Variants in CORO2B observed in about 807,000 individuals in gnomAD.
The protein encoded by CORO2B is coronin 2B.
CORO2B carries 26 observed loss-of-function variants against 58.8 expected under a neutral mutation model. The ratio of observed to expected loss-of-function variants is 0.44; its 90% CI spans 0.32 to 0.61. CORO2B has a LOEUF of 0.61. CORO2B is among the 20% of genes least tolerant of loss of function. The pLI, the probability that CORO2B is intolerant of heterozygous loss-of-function variation, is 0.04. For missense variants in CORO2B, 460 were observed against 645.1 expected (o/e 0.71, Z 3.11); for synonymous variants, 242 against 253.8 (o/e 0.95, Z 0.44).
At chr15:68,639,586 G>A (rs1326044167) in intron 1 of CORO2B, among the ~76,000 whole-genome samples, 1 of 152,166 alleles carries the variant, frequency 6.6e-6, no homozygotes, top group Non-Finnish European at 1.5e-5. Context: ...CTTTAATAAA[G>A]TAGAGGAACT....
At position 68,719,522 on chromosome 15, in the gene CORO2B, A is replaced by G; in HGVS notation, c.1281A>G (p.Leu427=). Residue 427 remains leucine (L), a synonymous_variant, in exon 11 of 12, where the codon TTA becomes TTG. Coordinates refer to ENST00000261861, the MANE Select transcript of CORO2B (RefSeq NM_006091.5). ...TTGTGGTCAACGGAATAGATTTATTAGAAAATGTCCCACCCAGGACAGAGA... is the reference window on the plus strand; with the variant it reads ...TTGTGGTCAACGGAATAGATTTATTGGAAAATGTCCCACCCAGGACAGAGA... ...KSVVVNGIDL[L]ENVPPRTENE... The G allele has an allele frequency of 3.7e-6, 6 of 1,614,202 alleles. No homozygotes were observed. Among genetic ancestry groups the G allele is most frequent in the Non-Finnish European group, 5.1e-6 (6 of 1,180,020 alleles).
intron 1 of CORO2B, among the ~76,000 whole-genome samples, chr15:68,604,631 C>A (rs988373173): frequency 6.7e-5 from 10 of 149,386 alleles, no homozygotes; most frequent in African/African-American, 2.0e-4. Flanking sequence ...AAAAAAAAAA[C>A]CTCCCTTCTG....
At chr15:68,658,705 C>G (rs995073691) in intron 2 of CORO2B, among the ~76,000 whole-genome samples, 3 of 152,230 alleles carry the variant, frequency 2.0e-5, no homozygotes, top group Non-Finnish European at 4.4e-5. Context: ...CTAAGACCTA[C>G]TCTTTGGGAT....
intron 2 of CORO2B, among the ~76,000 whole-genome samples, chr15:68,655,415 C>G (rs1176786338): frequency 6.6e-6 from 1 of 152,140 alleles, no homozygotes; most frequent in East Asian, 1.9e-4. Flanking sequence ...TGCCCCAATC[C>G]CAGTCTTACA....
intron 2 of CORO2B, among the ~76,000 whole-genome samples, chr15:68,672,159 G>GGTGTGTGTGTGTGTGT (rs60989044): frequency 0.23 from 33,945 of 146,062 alleles, 4,355 homozygotes; most frequent in East Asian, 0.36. Flanking sequence ...GTAATCGGGA[G>GGTGTGTGTGTGTGTGT]GTGTGTGTGT....
At chr15:68,527,377 G>A in the CORO2B span, among the ~76,000 whole-genome samples, 5 of 151,754 alleles carry the variant, frequency 3.3e-5, no homozygotes, top group African/African-American at 1.2e-4. Context: ...ATTTTTATGT[G>A]AGGTTTATTT....
At chr15:68,668,086 A>G (rs1902255420) in intron 2 of CORO2B, among the ~76,000 whole-genome samples, 1 of 152,218 alleles carries the variant, frequency 6.6e-6, no homozygotes, top group Admixed American at 6.5e-5. Flanking sequence ...AACCTTGCAG[A>G]TGAGGAAACA....
At chr15:68,598,150 A>G (rs925245680) in intron 1 of CORO2B, among the ~76,000 whole-genome samples, 1 of 152,310 alleles carries the variant, frequency 6.6e-6, no homozygotes, top group African/African-American at 2.4e-5. Flanking sequence ...GTTTCAGAGA[A>G]TCGGATCCCA....
At chr15:68,555,848 G>A in the CORO2B span, among the ~76,000 whole-genome samples, 1 of 152,034 alleles carries the variant, frequency 6.6e-6, no homozygotes, top group Non-Finnish European at 1.5e-5. Context: ...CCCACAGGAG[G>A]GTCCGTGCTG....
intron 1 of CORO2B, among the ~76,000 whole-genome samples, chr15:68,593,318 T>A (rs1178075234): frequency 6.6e-6 from 1 of 152,208 alleles, no homozygotes; most frequent in Non-Finnish European, 1.5e-5. Flanking sequence ...GTCTTGAAAT[T>A]CTTAAAAACT....
chr15:68,624,276 G>C (rs1008284332), intron 1 of CORO2B, among the ~76,000 whole-genome samples: 1 of 152,208 alleles, frequency 6.6e-6, no homozygotes, highest in African/African-American at 2.4e-5. Flanking sequence ...CTGCTCGGGA[G>C]GCTGAGGCAG....
At chr15:68,650,076 T>C (rs2140276957) in intron 2 of CORO2B, among the ~76,000 whole-genome samples, 1 of 152,260 alleles carries the variant, frequency 6.6e-6, no homozygotes, top group South Asian at 2.1e-4. Context: ...AGAAATGCAA[T>C]ATGCGATTAA....
intron 2 of CORO2B, among the ~76,000 whole-genome samples, chr15:68,672,491 C>T (rs780517935): frequency 6.6e-6 from 1 of 152,122 alleles, no homozygotes; most frequent in Non-Finnish European, 1.5e-5. Flanking sequence ...GTTGCCCAGG[C>T]TGATCTTGAA....
At chr15:68,605,555 G>A (rs1029364890) in intron 1 of CORO2B, among the ~76,000 whole-genome samples, 9 of 152,228 alleles carry the variant, frequency 5.9e-5, no homozygotes, top group African/African-American at 1.7e-4. Context: ...AAATATTCGT[G>A]CTAAGTGAAA....
chr15:68,523,185 C>CTTTCTTT, the CORO2B span, among the ~76,000 whole-genome samples: 49 of 152,024 alleles, frequency 3.2e-4, no homozygotes, highest in South Asian at 1.0e-2. Context: ...TTTTTCTTTT[C>CTTTCTTT]TTTCTTTTTT....
chr15:68,570,871 G>A, the CORO2B span, among the ~76,000 whole-genome samples: 2 of 135,308 alleles, frequency 1.5e-5, no homozygotes, highest in African/African-American at 5.6e-5. Flanking sequence ...TCCAACTCCT[G>A]GACTCAATCC....
intron 2 of CORO2B, among the ~76,000 whole-genome samples, chr15:68,668,643 G>A (rs1483537524): frequency 2.0e-5 from 3 of 152,184 alleles, no homozygotes; most frequent in Non-Finnish European, 4.4e-5. Flanking sequence ...GTAGTCAGGG[G>A]CTGGGCTACC....
At chr15:68,717,159 C>T (rs907084274) in intron 8 of CORO2B, among the ~76,000 whole-genome samples, 1 of 151,810 alleles carries the variant, frequency 6.6e-6, no homozygotes, top group Admixed American at 6.6e-5. Context: ...ACCAAAAATA[C>T]AAAAAGTACC....
chr15:68,605,765 C>T lies in CORO2B; in HGVS notation c.15+26488C>T, dbSNP rs1172322458. Among the ~76,000 whole-genome samples the T allele has an allele frequency of 4.2e-5, 6 of 144,380 alleles. No homozygotes were observed. In the East Asian group the frequency reaches 1.2e-3, roughly 29 times the overall value. 94.7% of individuals were successfully genotyped at this position (144,380 alleles called of 152,430 possible). On this transcript the variant is annotated intron_variant, in intron 1 of 11. Transcript: ENST00000261861. Reference sequence around the variant, plus strand: ...TGAGATGGAGTCTCGCTGTGTCGCCCAGGCGGGAGTGCAGTGGCGCAATAT... The same window carrying T: ...TGAGATGGAGTCTCGCTGTGTCGCCTAGGCGGGAGTGCAGTGGCGCAATAT...
Sources: gnomAD v4.1 joint callset for allele counts (sites outside exome capture counted in the v4.1 genomes callset) on GRCh38, gnomAD v4.1.1 for gene constraint, MANE v1.5 for transcripts, NCBI Gene and HGNC (gene_info 2026-07-23, HGNC 2026-07-21) for gene names.